Variants in CNTNAP2 observed in about 807,000 individuals in gnomAD.
The protein encoded by CNTNAP2 is contactin-associated protein-like 2.
CNTNAP2 carries 98 observed loss-of-function variants against 155.2 expected under a neutral mutation model. The ratio of observed to expected loss-of-function variants is 0.63; its 90% confidence interval spans 0.54 to 0.75. The LOEUF is 0.75. CNTNAP2 is among the 30% of genes least tolerant of loss of function. The pLI, the probability that CNTNAP2 is intolerant of heterozygous loss-of-function variation, is 0.00. For synonymous variants in CNTNAP2, 651 were observed against 631.2 expected, an observed-to-expected ratio of 1.03 and a Z score of -0.47; for missense variants, 1,727 against 1,688.1, an observed-to-expected ratio of 1.02 and a Z score of -0.40.
chr7:146,364,434 C>T (rs1271720736), intron 1 of CNTNAP2, among the ~76,000 whole-genome samples: 2 of 152,144 alleles, frequency 1.3e-5, no homozygotes, highest in Non-Finnish European at 2.9e-5. Flanking sequence ...ATTCTTTTCA[C>T]TGTACTTATC....
At chr7:147,055,117 C>T (rs1799535451) in intron 4 of CNTNAP2, among the ~76,000 whole-genome samples, 1 of 152,096 alleles carries the variant, frequency 6.6e-6, no homozygotes, top group Non-Finnish European at 1.5e-5. Context: ...AATACTCTAC[C>T]CTCAGGCACC....
chr7:147,469,835 C>A (rs115673865), intron 10 of CNTNAP2, among the ~76,000 whole-genome samples: 1,914 of 152,134 alleles, frequency 0.013, 40 homozygotes, highest in African/African-American at 0.043. Flanking sequence ...CAATTTTAAA[C>A]AGAGCGATTA....
At chr7:148,369,809 A>C (rs1032625179) in intron 21 of CNTNAP2, among the ~76,000 whole-genome samples, 2 of 152,138 alleles carry the variant, frequency 1.3e-5, no homozygotes, top group Non-Finnish European at 2.9e-5. Flanking sequence ...CTGTGTGTAC[A>C]GATATGTCTT....
intron 17 of CNTNAP2, among the ~76,000 whole-genome samples, chr7:148,155,969 C>A (rs7805475): frequency 1.3e-5 from 2 of 152,160 alleles, no homozygotes; most frequent in African/African-American, 4.8e-5. Flanking sequence ...GCAGGCCCCA[C>A]GTGCAATACC....
chr7:148,240,559 A>G (rs1796127027), intron 20 of CNTNAP2, among the ~76,000 whole-genome samples: 1 of 152,316 alleles, frequency 6.6e-6, no homozygotes, highest in Non-Finnish European at 1.5e-5. Flanking sequence ...ACATAAATTT[A>G]AAAGGGTCTT....
intron 4 of CNTNAP2, among the ~76,000 whole-genome samples, chr7:147,080,075 A>G (rs1007778499): frequency 6.6e-6 from 1 of 150,864 alleles, no homozygotes; most frequent in Admixed American, 6.6e-5. Flanking sequence ...CTTGAAAGCA[A>G]CTCAGCTAGC....
At chr7:147,161,528 G>T (rs1427138699) in intron 8 of CNTNAP2, 1 of 152,108 alleles carries the variant, frequency 6.6e-6, no homozygotes, top group African/African-American at 2.4e-5. Flanking sequence ...CCACCCAGTG[G>T]TTTTCCCTAA....
chr7:147,100,192 GGGCTTTTTT>G (rs1379238388), intron 4 of CNTNAP2, among the ~76,000 whole-genome samples: 1 of 151,964 alleles, frequency 6.6e-6, no homozygotes, highest in African/African-American at 2.4e-5. Flanking sequence ...GTACCTCAGT[GGGCTTTTTT>G]GTCTCTTCAC....
intron 9 of CNTNAP2, among the ~76,000 whole-genome samples, chr7:147,372,167 T>G (rs1184567226): frequency 6.6e-6 from 1 of 152,118 alleles, no homozygotes; most frequent in African/African-American, 2.4e-5. Flanking sequence ...TCGTTTAAAT[T>G]CATTAATAAA....
At chr7:146,322,660 A>G (rs1445834205) in intron 1 of CNTNAP2, among the ~76,000 whole-genome samples, 2 of 5,864 alleles carry the variant, frequency 3.4e-4, no homozygotes, top group Non-Finnish European at 1.6e-3. Context: ...TTTGCTGGCT[A>G]TGACGGTAAC....
intron 12 of CNTNAP2, among the ~76,000 whole-genome samples, chr7:147,593,374 G>A (rs1483453635): frequency 6.6e-6 from 1 of 151,142 alleles, no homozygotes; most frequent in African/African-American, 2.4e-5. Flanking sequence ...TTAATGTACT[G>A]ATTCTTCTTC....
intron 21 of CNTNAP2, among the ~76,000 whole-genome samples, chr7:148,367,997 A>G (rs1798817064): frequency 6.6e-6 from 1 of 152,128 alleles, no homozygotes; most frequent in South Asian, 2.1e-4. Flanking sequence ...GAAAATTAAG[A>G]TCCCCCAAGC....
At chr7:147,076,784 A>G (rs1403501956) in intron 4 of CNTNAP2, among the ~76,000 whole-genome samples, 1 of 152,184 alleles carries the variant, frequency 6.6e-6, no homozygotes, top group Non-Finnish European at 1.5e-5. Context: ...TATATTTTCT[A>G]CTTTAATAGA....
At chr7:147,798,958 CAG>C (rs1326724220) in intron 13 of CNTNAP2, among the ~76,000 whole-genome samples, 3 of 152,170 alleles carry the variant, frequency 2.0e-5, no homozygotes, top group African/African-American at 4.8e-5. Flanking sequence ...AACTAGATCG[CAG>C]GCAAAGAAGA....
intron 1 of CNTNAP2, among the ~76,000 whole-genome samples, chr7:146,641,844 A>T (rs575364423): frequency 6.6e-6 from 1 of 152,174 alleles, no homozygotes; most frequent in Non-Finnish European, 1.5e-5. Flanking sequence ...TTAAAACCTA[A>T]TATTTTGTGG....
intron 1 of CNTNAP2, among the ~76,000 whole-genome samples, chr7:146,736,548 A>C (rs570131963): frequency 6.6e-6 from 1 of 152,200 alleles, no homozygotes; most frequent in Non-Finnish European, 1.5e-5. Context: ...GGCAACTGAC[A>C]CAAGTAGATA....
chr7:146,597,407 A>T (rs1454019866), intron 1 of CNTNAP2, among the ~76,000 whole-genome samples: 4 of 151,360 alleles, frequency 2.6e-5, no homozygotes, highest in African/African-American at 7.4e-5. Flanking sequence ...TGGCAATTTT[A>T]AAAAAATGAA....
At chr7:148,055,369 C>G (rs1286281547) in intron 15 of CNTNAP2, among the ~76,000 whole-genome samples, 1 of 152,128 alleles carries the variant, frequency 6.6e-6, no homozygotes, top group Non-Finnish European at 1.5e-5. Flanking sequence ...GGAAATTATT[C>G]TTCTGTTTTC....
chr7:147,477,089 TTTTG>T (rs749731991), intron 10 of CNTNAP2, among the ~76,000 whole-genome samples: 2 of 152,162 alleles, frequency 1.3e-5, no homozygotes, highest in African/African-American at 2.4e-5. Context: ...TCTTGTATCT[TTTTG>T]TTATCGTCAT....
Sources: gnomAD v4.1 joint callset for allele counts (sites outside exome capture counted in the v4.1 genomes callset) on GRCh38, gnomAD v4.1.1 for gene constraint, MANE v1.5 for transcripts, NCBI Gene and HGNC (gene_info 2026-07-23, HGNC 2026-07-21) for gene names.